PRKCZ: variants seen among roughly 807,000 people sequenced by gnomAD.
PRKCZ encodes the protein protein kinase C zeta type.
Under a neutral mutation model 79.5 loss-of-function variants are expected in PRKCZ, and 33 were observed. The observed-to-expected ratio is 0.41, with a 90% CI of 0.31 to 0.55. PRKCZ has a LOEUF of 0.55. Ranked by LOEUF, PRKCZ falls within the 20% of genes least tolerant of loss-of-function variation. PRKCZ has a pLI of 0.19. For missense variants in PRKCZ, 578 were observed against 813.5 expected, an observed-to-expected ratio of 0.71 and a Z score of 3.52; for synonymous variants, 342 against 320.9, an observed-to-expected ratio of 1.07 and a Z score of -0.70.
At chr1:2,166,811 G>A (rs979539728) in intron 10 of PRKCZ, among the ~76,000 whole-genome samples, 2 of 152,226 alleles carry the variant, frequency 1.3e-5, no homozygotes, top group Admixed American at 6.5e-5. Flanking sequence ...GAGGGGCTAC[G>A]GGTGAAGCCA....
At chr1:2,078,844 C>CTTTT (rs35626021) in intron 4 of PRKCZ, among the ~76,000 whole-genome samples, 1 of 134,036 alleles carries the variant, frequency 7.5e-6, no homozygotes, top group Non-Finnish European at 1.6e-5. Flanking sequence ...CTGAAGGTGG[C>CTTTT]TTTTTTTTTT....
At position 2,163,656 on chromosome 1, in the gene PRKCZ, C is replaced by T. The variant is rs139848958; in HGVS notation, c.975-5862C>T. Among the ~76,000 whole-genome samples, 66 of 151,946 alleles carry T rather than the reference C, an allele frequency of 4.3e-4. No individual in the cohort carries two copies. In the East Asian group the frequency reaches 0.011, roughly 25 times the overall value. The stretch of plus-strand genomic sequence containing the variant: ...CTGTAATCCCAGCACTCTGGGAGGC[C>T]GAGGCGGGTAGATCACGAGGTCAGG... On this transcript the variant is annotated intron_variant, in intron 10 of 17. Transcript: ENST00000378567.
chr1:2,070,204 G>A (rs1053000310), intron 4 of PRKCZ, among the ~76,000 whole-genome samples: 1 of 152,024 alleles, frequency 6.6e-6, no homozygotes, highest in Non-Finnish European at 1.5e-5. Flanking sequence ...CAGCACAGAT[G>A]GCATACCCGG....
intron 9 of PRKCZ, among the ~76,000 whole-genome samples, chr1:2,155,435 TGTGATGGTGATGATGGTGGTG>T (rs1330805475): frequency 3.0e-5 from 4 of 133,278 alleles, no homozygotes; most frequent in Admixed American, 7.8e-5. Flanking sequence ...CAGTGACGGT[TGTGATGGTGATGATGGTGGTG>T]GTGATGGTGA....
chr1:2,103,596 G>A (rs888737565), intron 4 of PRKCZ, among the ~76,000 whole-genome samples: 15 of 152,108 alleles, frequency 9.9e-5, no homozygotes, highest in Non-Finnish European at 1.6e-4. Context: ...GAAGAGAAGC[G>A]TGAGGCTGGG....
chr1:2,073,608 C>T (rs1306635291), intron 4 of PRKCZ: 7 of 988,354 alleles, frequency 7.1e-6, no homozygotes, highest in Non-Finnish European at 8.4e-6. Flanking sequence ...TGCTTGTTTT[C>T]CTGTGACGTC....
At chr1:2,090,179 C>CA (rs1665245651) in intron 4 of PRKCZ, among the ~76,000 whole-genome samples, 1 of 152,214 alleles carries the variant, frequency 6.6e-6, no homozygotes, top group South Asian at 2.1e-4. Context: ...TAAATAAGGG[C>CA]ATGTTCTGAG....
chr1:2,120,361 G>A (rs993634227), intron 4 of PRKCZ, among the ~76,000 whole-genome samples: 5 of 135,280 alleles, frequency 3.7e-5, no homozygotes, highest in South Asian at 2.4e-4. Flanking sequence ...GTGCAATGGC[G>A]CGATCTCGAC....
Position 2,150,982 on chromosome 1 carries a change from G to A in PRKCZ, c.876+4G>A, listed in dbSNP as rs1449027148. On this transcript the variant is annotated splice_donor_region_variant and intron_variant, in intron 9 of 17. Coordinates refer to ENST00000378567, the MANE Select transcript of PRKCZ (RefSeq NM_002744.6). The stretch of plus-strand genomic sequence containing the variant: ...AGAGCTGGTGCATGATGACGAGGTA[G>A]GTGCCGCTTCTCATGGGGCCCGGGG... The A allele has an allele frequency of 6.2e-7, 1 of 1,613,130 alleles. No individual in the cohort carries two copies. The highest frequency in any genetic ancestry group is 1.1e-5 in the South Asian group (1 of 91,030).
chr1:2,142,942 A>ACTCAGTGC (rs1324059325), intron 5 of PRKCZ: 1 of 151,308 alleles, frequency 6.6e-6, no homozygotes, highest in Non-Finnish European at 1.5e-5. Flanking sequence ...CCTCACGTGA[A>ACTCAGTGC]CTCAGTGCTG....
rs1027869056 is a variant in PRKCZ, at chr1:2,075,681, G to C, written c.334+16090G>C. Among the ~76,000 whole-genome samples, 2 of 152,228 alleles carry C rather than the reference G, an allele frequency of 1.3e-5. No individual in the cohort carries two copies. Among genetic ancestry groups the C allele is most frequent in the Non-Finnish European group, 2.9e-5 (2 of 68,034 alleles). The stretch of plus-strand genomic sequence containing the variant: ...TCTGGGCTCCGGGCTCTGCTGCGAT[G>C]TTTCCGAGGCTCCCAGTTAATCAGA... On this transcript the variant is annotated intron_variant, in intron 4 of 17. Coordinates refer to ENST00000378567, the MANE Select transcript of PRKCZ (RefSeq NM_002744.6). The surrounding 1 kb of genome is among the most constrained non-coding windows in gnomAD (Gnocchi z 4.8).
At chr1:2,163,188 G>A (rs887897673) in intron 10 of PRKCZ, among the ~76,000 whole-genome samples, 2 of 152,364 alleles carry the variant, frequency 1.3e-5, no homozygotes, top group South Asian at 2.1e-4. Flanking sequence ...GAAGCGCAGT[G>A]CCATCCTCAA....
intron 9 of PRKCZ, 100 bp from the exon 10 acceptor site, chr1:2,155,895 A>C: frequency 2.0e-6 from 2 of 1,008,562 alleles, no homozygotes; most frequent in Non-Finnish European, 3.1e-6. Context: ...TGTCTTCCTG[A>C]AAGCGGAGGA....
chr1:2,072,152 T>C lies in PRKCZ; in HGVS notation c.334+12561T>C, dbSNP rs74322154. Among the ~76,000 whole-genome samples, 504 of 152,358 alleles carry C rather than the reference T, an allele frequency of 3.3e-3. 26 individuals are homozygous for C. The East Asian group carries it at 0.078, about 24-fold the overall frequency. ...TTCACATTTTACGGAATGCCCCTCA[T>C]GCAGCTGGTCAGCCGCCTGACGAGG... is the stretch of plus-strand genomic sequence containing the variant. On this transcript the variant is annotated intron_variant, in intron 4 of 17. Transcript: ENST00000378567.
At chr1:2,088,058 C>T (rs1171802920) in intron 4 of PRKCZ, among the ~76,000 whole-genome samples, 1 of 152,210 alleles carries the variant, frequency 6.6e-6, no homozygotes, top group East Asian at 1.9e-4. Flanking sequence ...TAGCGGCTTT[C>T]TCTGCTGTGT....
At chr1:2,137,127 C>T (rs529947013) in intron 5 of PRKCZ, among the ~76,000 whole-genome samples, 41 of 152,272 alleles carry the variant, frequency 2.7e-4, no homozygotes, top group Middle Eastern at 3.4e-3. Flanking sequence ...CCAGAGCCCC[C>T]GGCAAACCAC....
At chr1:2,126,397 C>T (rs1017991014) in intron 4 of PRKCZ, among the ~76,000 whole-genome samples, 1 of 152,042 alleles carries the variant, frequency 6.6e-6, no homozygotes, top group African/African-American at 2.4e-5. Context: ...ATGGGCAGGT[C>T]CCCCATCACG....
intron 4 of PRKCZ, among the ~76,000 whole-genome samples, chr1:2,079,901 C>T (rs1328985692): frequency 3.3e-5 from 5 of 152,160 alleles, no homozygotes; most frequent in East Asian, 1.9e-4. Context: ...GAGGGCCGGG[C>T]ATCTCACCCC....
chr1:2,136,629 G>A (rs1427840572), intron 5 of PRKCZ, among the ~76,000 whole-genome samples: 2 of 152,180 alleles, frequency 1.3e-5, no homozygotes, highest in East Asian at 1.9e-4. Flanking sequence ...GCAGGTGGGT[G>A]TGGGTGAACA....
Sources: allele counts gnomAD v4.1 joint callset (sites outside exome capture counted in the v4.1 genomes callset), GRCh38; gene constraint gnomAD v4.1.1; non-coding constraint Gnocchi (gnomAD v3.1); transcripts MANE v1.5; gene names NCBI Gene and HGNC (gene_info 2026-07-23, HGNC 2026-07-21).